Variants in LPP observed in about 807,000 individuals in gnomAD.
LPP encodes the protein LIM domain containing preferred translocation partner in lipoma.
LPP carries 38 observed loss-of-function variants against 60.4 expected under a neutral mutation model. The ratio of observed to expected loss-of-function variants is 0.63; its 90% CI spans 0.49 to 0.83. The LOEUF is 0.83. Ranked by LOEUF, LPP falls within the 40% of genes least tolerant of loss-of-function variation. The probability of loss-of-function intolerance (pLI) is 0.00; values close to 1 mark genes in which losing one functional copy is unlikely to be tolerated. For synonymous variants in LPP, 328 were observed against 290.8 expected, an observed-to-expected ratio of 1.13 and a Z score of -1.30; for missense variants, 902 against 783.6, an observed-to-expected ratio of 1.15 and a Z score of -1.80.
chr3:188,662,369 C>A (rs1560027554), intron 7 of LPP, among the ~76,000 whole-genome samples: 1 of 152,136 alleles, frequency 6.6e-6, no homozygotes, highest in Non-Finnish European at 1.5e-5. Context: ...GTCAGAGGTC[C>A]CATAGATACC....
At chr3:188,491,553 A>G (rs1808386312) in intron 5 of LPP, among the ~76,000 whole-genome samples, 1 of 152,204 alleles carries the variant, frequency 6.6e-6, no homozygotes, top group South Asian at 2.1e-4. Context: ...CCTGACAGCA[A>G]CAGTAGCAGC....
At position 188,247,601 on chromosome 3, in the gene LPP, C is replaced by A. The variant is rs911664942; in HGVS notation, c.-67+22074C>A. 3.9e-5 allele frequency among the ~76,000 whole-genome samples: 6 copies of A among 152,036 alleles called. No individual in the cohort carries two copies. The East Asian group carries it at 1.2e-3, about 29-fold the overall frequency. On this transcript the variant is annotated intron_variant, in intron 2 of 11. Transcript: ENST00000617246. ...GGCGCCTGAGGTCTGGAGTTCAAGACCAGCCTGGTCAACATGGTGAAACCC... is the reference window on the plus strand; with the variant it reads ...GGCGCCTGAGGTCTGGAGTTCAAGAACAGCCTGGTCAACATGGTGAAACCC...
intron 7 of LPP, among the ~76,000 whole-genome samples, chr3:188,650,851 G>A (rs77509375): frequency 0.037 from 5,632 of 152,194 alleles, 351 homozygotes; most frequent in African/African-American, 0.13. Context: ...ATTCAGTCAC[G>A]CCCATTTGCT....
chr3:188,291,625 G>C (rs1271778541), intron 2 of LPP, among the ~76,000 whole-genome samples: 1 of 129,178 alleles, frequency 7.7e-6, no homozygotes, highest in Non-Finnish European at 1.6e-5. Context: ...CAGCCTGGGC[G>C]ACAGAGCGAG....
At chr3:188,165,144 T>C (rs1031548609) in intron 1 of LPP, among the ~76,000 whole-genome samples, 7 of 152,008 alleles carry the variant, frequency 4.6e-5, no homozygotes, top group Non-Finnish European at 1.0e-4. Flanking sequence ...AGTGTGGTAG[T>C]GCATGCCTAT....
At chr3:188,351,582 G>T (rs564794900) in intron 3 of LPP, among the ~76,000 whole-genome samples, 1 of 152,298 alleles carries the variant, frequency 6.6e-6, no homozygotes, top group South Asian at 2.1e-4. Flanking sequence ...CAGGCCTTGT[G>T]ACAGGTGTTT....
intron 9 of LPP, among the ~76,000 whole-genome samples, chr3:188,800,464 C>G (rs956893061): frequency 6.6e-6 from 1 of 151,926 alleles, no homozygotes; most frequent in Non-Finnish European, 1.5e-5. Context: ...CCAGGATGGT[C>G]TCCATCTCCT....
At chr3:188,721,374 G>A (rs1716303534) in intron 8 of LPP, among the ~76,000 whole-genome samples, 1 of 151,986 alleles carries the variant, frequency 6.6e-6, no homozygotes, top group Admixed American at 6.6e-5. Flanking sequence ...AACAGAGTGA[G>A]ACCCCCATCT....
rs139907927 is a variant in LPP, at chr3:188,406,402, C to T, written c.193+89C>T. The T allele has an allele frequency of 5.6e-4, 706 of 1,270,396 alleles. 2 individuals are homozygous for T. In the African/African-American group the frequency reaches 9.4e-3, roughly 17 times the overall value. The allele number at this position is 1,270,396 out of a possible 1,614,324, so 78.7% of individuals were successfully genotyped here. A position where few individuals can be genotyped will look rare whatever the true frequency, so the allele number is the denominator to read the frequency against. ...GTAGTACAAAGTTGTGTCAGAAAAA[C>T]GTAGTTTGTGAATTCACAGCGTGGG... On this transcript the variant is annotated intron_variant, in intron 4 of 11. Coordinates refer to ENST00000617246, the MANE Select transcript of LPP (RefSeq NM_001375462.1).
chr3:188,605,618 A>G (rs565832226), intron 6 of LPP, among the ~76,000 whole-genome samples: 5 of 152,294 alleles, frequency 3.3e-5, no homozygotes, highest in East Asian at 3.9e-4. Context: ...AGTTGTGGCC[A>G]TGGTCCTGGA....
intron 9 of LPP, among the ~76,000 whole-genome samples, chr3:188,845,910 C>T (rs1283780136): frequency 1.3e-5 from 2 of 152,214 alleles, no homozygotes; most frequent in Non-Finnish European, 2.9e-5. Context: ...TTAGTCCAAA[C>T]TTCGAGGCTT....
intron 2 of LPP, among the ~76,000 whole-genome samples, chr3:188,310,383 G>A (rs973969865): frequency 2.0e-5 from 3 of 152,072 alleles, no homozygotes; most frequent in Non-Finnish European, 2.9e-5. Flanking sequence ...AAGGATGCCC[G>A]GTTGATGAGT....
intron 6 of LPP, chr3:188,584,312 G>T (rs929459764): frequency 5.3e-5 from 8 of 152,132 alleles, no homozygotes; most frequent in Admixed American, 5.2e-4. Flanking sequence ...GAGAGAATTT[G>T]TAGGCGGGTG....
At chr3:188,385,141 A>C (rs1018646521) in intron 3 of LPP, among the ~76,000 whole-genome samples, 1 of 151,936 alleles carries the variant, frequency 6.6e-6, no homozygotes, top group African/African-American at 2.4e-5. Flanking sequence ...GTTTCTTTCT[A>C]TCTGTCCACC....
rs1294409162 is a variant in LPP, at chr3:188,719,903, CT to C, written c.1240+11512del. Among the ~76,000 whole-genome samples the C allele has an allele frequency of 2.7e-5, 4 of 149,980 alleles. No individual in the cohort carries two copies. In the South Asian group the frequency reaches 6.3e-4, roughly 24 times the overall value. ...CTCTGGAGTTGTACTTGGTAGGCAT[CT>C]TGTTTTTTTGTTGTTTTGTTTTGTC... is the stretch of plus-strand genomic sequence containing the variant. On this transcript the variant is annotated intron_variant, in intron 8 of 11. Coordinates refer to ENST00000617246, the MANE Select transcript of LPP (RefSeq NM_001375462.1).
intron 7 of LPP, among the ~76,000 whole-genome samples, chr3:188,636,851 T>A (rs1848924472): frequency 6.7e-6 from 1 of 150,088 alleles, no homozygotes; most frequent in African/African-American, 2.5e-5. Context: ...GAGGGTCCTG[T>A]CTGTTAGAAG....
intron 2 of LPP, among the ~76,000 whole-genome samples, chr3:188,240,595 A>T (rs73190777): frequency 1.3e-5 from 2 of 152,290 alleles, no homozygotes; most frequent in Non-Finnish European, 1.5e-5. Context: ...TTGAGTAGTT[A>T]GGATATTAGA....
chr3:188,719,968 A>G (rs1304232654), intron 8 of LPP, among the ~76,000 whole-genome samples: 1 of 152,226 alleles, frequency 6.6e-6, no homozygotes, highest in Non-Finnish European at 1.5e-5. Flanking sequence ...GTTGGAATGC[A>G]GTGGCGTGAT....
At chr3:188,717,478 G>A (rs1409424470) in intron 8 of LPP, among the ~76,000 whole-genome samples, 1 of 152,146 alleles carries the variant, frequency 6.6e-6, no homozygotes. Flanking sequence ...TGTTTTCACA[G>A]ATAAATGACC....
Sources: allele counts gnomAD v4.1 joint callset (sites outside exome capture counted in the v4.1 genomes callset), GRCh38; gene constraint gnomAD v4.1.1; transcripts MANE v1.5; gene names NCBI Gene and HGNC (gene_info 2026-07-23, HGNC 2026-07-21).